STAT4: variants seen among roughly 807,000 people sequenced by gnomAD.
STAT4 encodes the protein signal transducer and activator of transcription 4.
A neutral mutation model predicts 110.5 loss-of-function variants in STAT4; 42 were observed. The ratio of observed to expected loss-of-function variants is 0.38; its 90% CI spans 0.30 to 0.49. The LOEUF (loss-of-function observed/expected upper bound fraction) is 0.49, where lower values mean the gene tolerates loss of function less well. STAT4 is among the 20% of genes least tolerant of loss of function. The pLI is 0.95. For missense variants in STAT4, 632 were observed against 887.9 expected (o/e 0.71, Z 3.66); for synonymous variants, 284 against 302.2 (o/e 0.94, Z 0.63).
chr2:191,097,208 T>G (rs868499738), intron 3 of STAT4, among the ~76,000 whole-genome samples: 5 of 152,290 alleles, frequency 3.3e-5, no homozygotes, highest in African/African-American at 9.6e-5. Flanking sequence ...ATATAATTTA[T>G]AGATTCAATG....
rs370416058 is a variant in STAT4, at chr2:191,039,159, C to G, written c.1434+40G>C. The G allele has an allele frequency of 6.4e-7, 1 of 1,573,082 alleles. No individual in the cohort carries two copies. The highest frequency in any genetic ancestry group is 1.1e-5 in the South Asian group (1 of 90,158). Reference sequence around the variant, plus strand: ...TGTGTTTGTTGGCAATAAAACAAATCGAATAGCATTAAAGAAGTTGAGGTA... The same window carrying G: ...TGTGTTTGTTGGCAATAAAACAAATGGAATAGCATTAAAGAAGTTGAGGTA... On this transcript the variant is annotated intron_variant, in intron 16 of 23. Transcript: ENST00000392320. The surrounding 1 kb of genome is among the most constrained non-coding windows in gnomAD (Gnocchi z 4.7).
In STAT4 at chr2:191,107,318, T is replaced by C. The variant is rs1000478811; in HGVS notation, c.274-30993A>G. Among the ~76,000 whole-genome samples, 10 of 152,184 alleles carry C rather than the reference T, an allele frequency of 6.6e-5. No individual in the cohort carries two copies. Among genetic ancestry groups the C allele is most frequent in the Non-Finnish European group, 8.8e-5 (6 of 68,034 alleles). ...TCCATCTTTATTTCTTCCTTACAATTTTCCTGCCTGTTAACAATCTTAAAG... is the reference window on the plus strand; with the variant it reads ...TCCATCTTTATTTCTTCCTTACAATCTTCCTGCCTGTTAACAATCTTAAAG... On this transcript the variant is annotated intron_variant, in intron 3 of 23. Coordinates refer to ENST00000392320, the MANE Select transcript of STAT4 (RefSeq NM_003151.4). This position sits in a 1 kb window ranked among gnomAD's most constrained non-coding sequence, Gnocchi z 4.2.
intron 3 of STAT4, among the ~76,000 whole-genome samples, chr2:191,122,423 C>T (rs1559076812): frequency 6.6e-6 from 1 of 152,036 alleles, no homozygotes; most frequent in Non-Finnish European, 1.5e-5. Flanking sequence ...TTACCACAAC[C>T]ACCATGGAAA....
At chr2:191,148,253 C>T (rs1221778703) in intron 1 of STAT4, 49 bp from the exon 2 acceptor site, 2 of 1,574,658 alleles carry the variant, frequency 1.3e-6, no homozygotes, top group Non-Finnish European at 1.7e-6. Flanking sequence ...GTTCATAGCC[C>T]TAGTACATAT....
chr2:191,055,365 A>ATTTTT (rs371295889), intron 13 of STAT4, among the ~76,000 whole-genome samples: 4 of 96,956 alleles, frequency 4.1e-5, no homozygotes, highest in African/African-American at 4.1e-5. Context: ...AGCCTGGCTA[A>ATTTTT]TTTTTTTTTT....
intron 15 of STAT4, among the ~76,000 whole-genome samples, 172 bp downstream of exon 15, chr2:191,040,893 C>T (rs956342480): frequency 5.3e-5 from 8 of 152,154 alleles, no homozygotes; most frequent in South Asian, 2.1e-4. Flanking sequence ...ATATATTTAA[C>T]CAAAATATTA....
chr2:191,053,734 T>C lies in STAT4; in HGVS notation c.1251+756A>G, dbSNP rs1420860486. 1.3e-5 allele frequency among the ~76,000 whole-genome samples: 2 copies of C among 152,250 alleles called. No individual in the cohort carries two copies. The highest frequency in any genetic ancestry group is 2.9e-5 in the Non-Finnish European group (2 of 68,050). ...AAATGAAGAATGACAAAGATATTTC[T>C]TGATAATGGACTGACTAAAGAAACT... On this transcript the variant is annotated intron_variant, in intron 14 of 23. Coordinates refer to ENST00000392320, the MANE Select transcript of STAT4 (RefSeq NM_003151.4). This position sits in a 1 kb window ranked among gnomAD's most constrained non-coding sequence, Gnocchi z 4.5.
Position 191,077,196 on chromosome 2 carries a change from T to A in STAT4, c.274-871A>T, listed in dbSNP as rs1031761696. ...TAAATTGGCAGCCTGTGGGCCTAAT[T>A]CAGCCATCAGTTACTTGGTGCAAAT... is the stretch of plus-strand genomic sequence containing the variant. On this transcript the variant is annotated intron_variant, in intron 3 of 23. Transcript: ENST00000392320. The surrounding 1 kb of genome is among the most constrained non-coding windows in gnomAD (Gnocchi z 4.1). Among the ~76,000 whole-genome samples the A allele has an allele frequency of 2.6e-5, 4 of 152,192 alleles. No homozygotes were observed. Among genetic ancestry groups the A allele is most frequent in the African/African-American group, 9.7e-5 (4 of 41,448 alleles).
rs1280399970 is a variant in STAT4 at position 191,050,261 on chromosome 2, G to A, written c.1251+4229C>T. Among the ~76,000 whole-genome samples, 1 of 152,182 alleles carries A rather than the reference G, an allele frequency of 6.6e-6. No homozygotes were observed. Among genetic ancestry groups the A allele is most frequent in the East Asian group, 1.9e-4 (1 of 5,194 alleles). On this transcript the variant is annotated intron_variant, in intron 14 of 23. Transcript: ENST00000392320. The surrounding 1 kb of genome is among the most constrained non-coding windows in gnomAD (Gnocchi z 4.3). ...GCTCCCTGCTAGATAAGTACCTCCA[G>A]GGAAAGGTTGCTTCCTGGGAATGTT...
At chr2:191,118,578 G>A (rs1698631509) in intron 3 of STAT4, among the ~76,000 whole-genome samples, 1 of 152,042 alleles carries the variant, frequency 6.6e-6, no homozygotes, top group Non-Finnish European at 1.5e-5. Context: ...AAGTTGCATG[G>A]AGATACTTCA....
chr2:191,101,414 A>G (rs1698147354), intron 3 of STAT4, among the ~76,000 whole-genome samples: 1 of 152,184 alleles, frequency 6.6e-6, no homozygotes, highest in African/African-American at 2.4e-5. Context: ...GTCATTAAAA[A>G]TTGTTCGACA....
chr2:191,032,911 C>A lies in STAT4; in HGVS notation c.2044+47G>T, dbSNP rs1282136449. The A allele has an allele frequency of 6.4e-7, 1 of 1,551,626 alleles. No individual in the cohort carries two copies. The highest frequency in any genetic ancestry group is 8.7e-7 in the Non-Finnish European group (1 of 1,150,926). On this transcript the variant is annotated intron_variant, in intron 21 of 23. Transcript: ENST00000392320. The surrounding 1 kb of genome is among the most constrained non-coding windows in gnomAD (Gnocchi z 4.9). ...CTTTGCTCCAATATGAGGTTATTTTCCAAAATCTTAAGGAAAAAAAAACAA... is the reference window on the plus strand; with the variant it reads ...CTTTGCTCCAATATGAGGTTATTTTACAAAATCTTAAGGAAAAAAAAACAA...
intron 14 of STAT4, chr2:191,041,572 G>T (rs1696199518): frequency 6.6e-6 from 1 of 152,126 alleles, no homozygotes; most frequent in Non-Finnish European, 1.5e-5. Flanking sequence ...ACCTCCTTCT[G>T]GTTTAACATG....
Position 191,071,146 on chromosome 2 carries a change from C to T in STAT4, c.466-1375G>A, listed in dbSNP as rs547566126. ...CAACCTGTGCTGTGCCTATACCTTA[C>T]ATAGATTATCCTTTCGGCAACCTGC... is the stretch of plus-strand genomic sequence containing the variant. On this transcript the variant is annotated intron_variant, in intron 5 of 23. Transcript: ENST00000392320. Among the ~76,000 whole-genome samples the T allele has an allele frequency of 3.3e-4, 51 of 152,316 alleles. 1 individual carries two copies. The South Asian group carries it at 8.7e-3, about 26-fold the overall frequency.
chr2:191,055,000 C>A (rs1454238987), intron 13 of STAT4, among the ~76,000 whole-genome samples: 1 of 151,448 alleles, frequency 6.6e-6, no homozygotes, highest in African/African-American at 2.4e-5. Flanking sequence ...GACTTACTGA[C>A]ACAAAATAAA....
At chr2:191,132,758 T>A (rs1699070352) in intron 3 of STAT4, among the ~76,000 whole-genome samples, 2 of 147,576 alleles carry the variant, frequency 1.4e-5, no homozygotes, top group Non-Finnish European at 3.0e-5. Flanking sequence ...TGGTTTTCTT[T>A]TTTTTTTTTT....
rs1391197301 is a variant in STAT4, at chr2:191,030,090, C to T, written c.2221-224G>A. ...CAGAAAAGTGTTTTAAGAAAAAGGC[C>T]TGTTTATCCACCAAAAACATAATGA... On this transcript the variant is annotated intron_variant, in intron 23 of 23. Transcript: ENST00000392320. This position sits in a 1 kb window ranked among gnomAD's most constrained non-coding sequence, Gnocchi z 4.4. Among the ~76,000 whole-genome samples the T allele has an allele frequency of 6.6e-6, 1 of 152,106 alleles. No individual in the cohort carries two copies. The highest frequency in any genetic ancestry group is 6.5e-5 in the Admixed American group (1 of 15,274).
intron 3 of STAT4, among the ~76,000 whole-genome samples, chr2:191,125,249 T>C (rs540172938): frequency 1.3e-5 from 2 of 152,230 alleles, no homozygotes; most frequent in South Asian, 4.1e-4. Context: ...GATTAAACGA[T>C]AGAAATCAGG....
At chr2:191,089,316 C>A (rs1490883486) in intron 3 of STAT4, among the ~76,000 whole-genome samples, 1 of 152,164 alleles carries the variant, frequency 6.6e-6, no homozygotes, top group African/African-American at 2.4e-5. Flanking sequence ...TGCTCCACAT[C>A]ATACGTGGTC....
Sources: allele counts gnomAD v4.1 joint callset (sites outside exome capture counted in the v4.1 genomes callset), GRCh38; gene constraint gnomAD v4.1.1; non-coding constraint Gnocchi (gnomAD v3.1); transcripts MANE v1.5; gene names NCBI Gene and HGNC (gene_info 2026-07-23, HGNC 2026-07-21).